GRK4: variants seen among roughly 807,000 people sequenced by gnomAD.
GRK4 encodes G protein-coupled receptor kinase 2-like.
Under a neutral mutation model 77.9 loss-of-function variants are expected in GRK4, and 73 were observed. The ratio of observed to expected loss-of-function variants is 0.94; its 90% CI spans 0.78 to 1.14. The LOEUF (loss-of-function observed/expected upper bound fraction) is 1.14, where lower values mean the gene tolerates loss of function less well. GRK4 is among the 50% of genes most tolerant of loss of function. The pLI, the probability that GRK4 is intolerant of heterozygous loss-of-function variation, is 0.00. For synonymous variants in GRK4, 257 were observed against 254.4 expected, an observed-to-expected ratio of 1.01 and a Z score of -0.10; for missense variants, 729 against 700.2, an observed-to-expected ratio of 1.04 and a Z score of -0.46.
intron 10 of GRK4, among the ~76,000 whole-genome samples, chr4:3,026,026 A>C (rs1470605676): frequency 6.6e-6 from 1 of 152,244 alleles, no homozygotes; most frequent in East Asian, 1.9e-4. Context: ...CTGTTTGCGC[A>C]GCCCTCGCTG....
chr4:2,990,049 A>G (rs145434808), intron 3 of GRK4, among the ~76,000 whole-genome samples: 3 of 152,092 alleles, frequency 2.0e-5, no homozygotes, highest in African/African-American at 7.2e-5. Context: ...TATGTCTTAT[A>G]TCATTGAGTT....
Position 2,964,094 on chromosome 4 carries a change from C to T in GRK4, c.24C>T (p.Ala8=). The part of the protein sequence containing the change: MELENIV[A]NSLLLKARQG... ...ACATGGAGCTCGAGAACATCGTGGC[C>T]AACTCGCTGCTGCTGAAAGCGCGTC... The change falls in exon 1 of 16, where the codon GCC becomes GCT. Residue 8 remains alanine (A), a synonymous_variant. Transcript: ENST00000398052. The T allele has an allele frequency of 1.9e-6, 3 of 1,608,448 alleles. No individual in the cohort carries two copies. Among genetic ancestry groups the T allele is most frequent in the Non-Finnish European group, 2.5e-6 (3 of 1,178,890 alleles).
intron 1 of GRK4, among the ~76,000 whole-genome samples, chr4:2,977,724 A>G (rs1467951375): frequency 6.6e-6 from 1 of 152,170 alleles, no homozygotes; most frequent in East Asian, 1.9e-4. Flanking sequence ...TACGAAACAA[A>G]GAAGCGAGAG....
At chr4:3,040,460 A>G (rs1742090316) in intron 15 of GRK4, 112 bp from the exon 16 acceptor site, 12 of 711,200 alleles carry the variant, frequency 1.7e-5, no homozygotes, top group Non-Finnish European at 2.7e-5. Flanking sequence ...ATAAATAAAT[A>G]AAAAATAAAA....
intron 4 of GRK4, among the ~76,000 whole-genome samples, chr4:3,001,995 TGAGG>T (rs1729961201): frequency 6.6e-6 from 1 of 152,172 alleles, no homozygotes; most frequent in South Asian, 2.1e-4. Context: ...ATTCTCTGGA[TGAGG>T]GTTAAGGAGA....
At chr4:2,978,485 G>A (rs1243258506) in intron 1 of GRK4, among the ~76,000 whole-genome samples, 1 of 152,210 alleles carries the variant, frequency 6.6e-6, no homozygotes, top group Non-Finnish European at 1.5e-5. Flanking sequence ...AAAGGAAGAG[G>A]AAGCTTTTAT....
chr4:3,022,336 T>G, intron 9 of GRK4, 78 bp from the exon 10 acceptor site: 4 of 1,423,146 alleles, frequency 2.8e-6, no homozygotes, highest in Non-Finnish European at 3.9e-6. Flanking sequence ...TTGCTCACGC[T>G]GGTTGTTCCT....
chr4:3,002,022 C>T (rs1729968881), intron 4 of GRK4, among the ~76,000 whole-genome samples: 1 of 152,202 alleles, frequency 6.6e-6, no homozygotes, highest in Non-Finnish European at 1.5e-5. Context: ...AGGGCCTGGG[C>T]ACCTGGAACA....
intron 13 of GRK4, 64 bp downstream of exon 13, chr4:3,035,587 CTTTCT>C: frequency 3.3e-6 from 5 of 1,517,402 alleles, no homozygotes; most frequent in Non-Finnish European, 4.4e-6. Context: ...CGGTTTTTCT[CTTTCT>C]TTTTTCAAAA....
chr4:3,025,639 G>A (rs1050967869), intron 10 of GRK4, among the ~76,000 whole-genome samples: 5 of 151,784 alleles, frequency 3.3e-5, no homozygotes, highest in Non-Finnish European at 7.4e-5. Context: ...TGATCCGCCC[G>A]CCTCGGCCTC....
At chr4:3,021,970 T>A (rs1489743656) in intron 9 of GRK4, among the ~76,000 whole-genome samples, 1 of 152,176 alleles carries the variant, frequency 6.6e-6, no homozygotes, top group African/African-American at 2.4e-5. Context: ...GAATGACCGA[T>A]GGTCCCAGTG....
chr4:2,986,416 G>A (rs1311702938), intron 2 of GRK4, among the ~76,000 whole-genome samples: 1 of 143,252 alleles, frequency 7.0e-6, no homozygotes, highest in Non-Finnish European at 1.5e-5. Context: ...GAGTGCAATG[G>A]CATGATCTCG....
rs925756170 is a variant in GRK4, at chr4:2,983,953, A to G, written c.53-560A>G. 1.3e-5 allele frequency among the ~76,000 whole-genome samples: 2 copies of G among 152,040 alleles called. 1 individual carries two copies. Among genetic ancestry groups the G allele is most frequent in the South Asian group, 4.2e-4 (2 of 4,818 alleles). On this transcript the variant is annotated intron_variant, in intron 1 of 15. Transcript: ENST00000398052. ...AAACTGCCACTTTTAAAACCATCAG[A>G]TCTCATGAGAACTCCCTCATTATCG... is the stretch of plus-strand genomic sequence containing the variant.
intron 9 of GRK4, among the ~76,000 whole-genome samples, chr4:3,020,462 G>C (rs1015991359): frequency 6.6e-6 from 1 of 152,168 alleles, no homozygotes; most frequent in Admixed American, 6.5e-5. Flanking sequence ...ATTATGTCCT[G>C]CCATATAACA....
At chr4:2,977,831 G>T (rs1721661514) in intron 1 of GRK4, among the ~76,000 whole-genome samples, 1 of 152,170 alleles carries the variant, frequency 6.6e-6, no homozygotes, top group Non-Finnish European at 1.5e-5. Context: ...CAGTCAGATG[G>T]CCCCCCTCCC....
chr4:3,027,974 G>T lies in GRK4; in HGVS notation c.1033G>T (p.Gly345Ter). ...GATCCCAGAAGGACAGAGGGTTCGA[G>T]GAAGAGTTGGAACAGTCGGCTACAT... ...TEIPEGQRVR[G>*]RVGTVGYMAP... is the part of the protein sequence containing the mutation. The change falls in exon 11 of 16, where the codon GGA becomes TGA. Residue 345 changes from glycine (G) to a stop codon, truncating the protein, a stop_gained. Transcript: ENST00000398052. LOFTEE classifies it high-confidence loss of function. 1 of 1,614,188 alleles carries T rather than the reference G, an allele frequency of 6.2e-7. No homozygotes were observed. The highest frequency in any genetic ancestry group is 8.5e-7 in the Non-Finnish European group (1 of 1,180,032).
chr4:3,035,858 T>G (rs1740476610), intron 13 of GRK4, among the ~76,000 whole-genome samples: 1 of 152,188 alleles, frequency 6.6e-6, no homozygotes, highest in African/African-American at 2.4e-5. Flanking sequence ...CCCAGTGTGC[T>G]TTGGCCACTC....
chr4:2,984,349 A>G (rs556411827), intron 1 of GRK4, among the ~76,000 whole-genome samples, 164 bp from the exon 2 acceptor site: 1 of 152,344 alleles, frequency 6.6e-6, no homozygotes, highest in Non-Finnish European at 1.5e-5. Context: ...TACTTCATCA[A>G]GCAGCTTTCC....
chr4:3,001,787 A>G (rs1485870991), intron 4 of GRK4, among the ~76,000 whole-genome samples: 1 of 152,210 alleles, frequency 6.6e-6, no homozygotes, highest in African/African-American at 2.4e-5. Flanking sequence ...ATTGTTTACT[A>G]TCTTTCAACT....
Sources: allele counts gnomAD v4.1 joint callset (sites outside exome capture counted in the v4.1 genomes callset), GRCh38; gene constraint gnomAD v4.1.1; transcripts MANE v1.5; gene names NCBI Gene and HGNC (gene_info 2026-07-23, HGNC 2026-07-21).